SEMA4G: variants seen among roughly 807,000 people sequenced by gnomAD.
SEMA4G encodes the protein semaphorin-4G.
In SEMA4G, 59 loss-of-function variants were observed where a neutral mutation model predicts 81.2. That is an observed-to-expected ratio of 0.73 (90% CI 0.59 to 0.90). The LOEUF is 0.90. SEMA4G is among the 40% of genes least tolerant of loss of function. SEMA4G has a pLI of 0.00. For missense variants in SEMA4G, 952 were observed against 1,102.3 expected (o/e 0.86, Z 1.93); for synonymous variants, 404 against 433.9 (o/e 0.93, Z 0.86).
intron 3 of SEMA4G, among the ~76,000 whole-genome samples, chr10:100,976,270 C>T (rs1306544306): frequency 6.6e-6 from 1 of 152,060 alleles, no homozygotes; most frequent in Non-Finnish European, 1.5e-5. Context: ...GTGAGTGAGA[C>T]CAGAGGAATG....
chr10:100,973,938 G>T lies in SEMA4G; in HGVS notation c.336+329G>T, dbSNP rs149168966. Among the ~76,000 whole-genome samples the T allele has an allele frequency of 4.5e-4, 62 of 138,416 alleles. No homozygotes were observed. In the East Asian group the frequency reaches 0.011, roughly 25 times the overall value. 90.8% of individuals were successfully genotyped at this position (138,416 alleles called of 152,430 possible). A position where few individuals can be genotyped will look rare whatever the true frequency, so the allele number is the denominator to read the frequency against. ...GGACCACGGGCACATGCCACGCCCA[G>T]CTAAGTGTTTTATTTTTTGTAGAAA... is the stretch of plus-strand genomic sequence containing the variant. On this transcript the variant is annotated intron_variant, in intron 3 of 13. Coordinates refer to ENST00000370250, the Ensembl canonical transcript of SEMA4G. The surrounding 1 kb of genome is among the most constrained non-coding windows in gnomAD (Gnocchi z 5.5).
At chr10:100,972,982 C>T (rs150563616) in exon 1 of SEMA4G, 955 of 1,613,884 alleles carry the variant, frequency 5.9e-4, no homozygotes, top group Non-Finnish European at 7.7e-4. Flanking sequence ...ACCCTCACTG[C>T]GGAGACCGTC....
chr10:100,975,352 T>C (rs2133862759), intron 3 of SEMA4G, among the ~76,000 whole-genome samples: 1 of 152,354 alleles, frequency 6.6e-6, no homozygotes, highest in South Asian at 2.1e-4. Flanking sequence ...AGCAAGGCTT[T>C]ATAGAACAGT....
At chr10:100,972,199 C>T (rs1850654529), upstream of SEMA4G, among the ~76,000 whole-genome samples, 1 of 152,168 alleles carries the variant, frequency 6.6e-6, no homozygotes, top group African/African-American at 2.4e-5. Context: ...CGAGTTGCAT[C>T]TCATTGTTGG....
At chr10:100,976,032 G>A (rs1359663495) in intron 3 of SEMA4G, among the ~76,000 whole-genome samples, 3 of 152,180 alleles carry the variant, frequency 2.0e-5, no homozygotes, top group Admixed American at 6.5e-5. Context: ...GGAGGCTGGG[G>A]GCATCATTTG....
chr10:100,980,574 C>A lies in SEMA4G; in HGVS notation c.1352-4C>A. On this transcript the variant is annotated splice_region_variant and splice_polypyrimidine_tract_variant and intron_variant, in intron 10 of 13. Transcript: ENST00000370250. Reference sequence around the variant, plus strand: ...GGTCTAACTCTCTGCTCTTTCCATACCAGCTGATGGCTGGATCCACAAGGC... The same window carrying A: ...GGTCTAACTCTCTGCTCTTTCCATAACAGCTGATGGCTGGATCCACAAGGC... 6.2e-7 allele frequency: 1 copy of A among 1,612,326 alleles called. No individual in the cohort carries two copies. The highest frequency in any genetic ancestry group is 8.5e-7 in the Non-Finnish European group (1 of 1,178,376).
Position 100,973,950 on chromosome 10 carries a change from A to AT in SEMA4G, c.336+347dup, listed in dbSNP as rs35223759. Among the ~76,000 whole-genome samples the AT allele has an allele frequency of 0.34, 51,704 of 151,354 alleles. 10,450 individuals carry two copies. Among genetic ancestry groups the AT allele is most frequent in the Middle Eastern group, 0.54 (157 of 292 alleles). ...CATGCCACGCCCAGCTAAGTGTTTT[A>AT]TTTTTTGTAGAAACAGGGTCTTGCT... On this transcript the variant is annotated intron_variant, in intron 3 of 13. Transcript: ENST00000370250. This position sits in a 1 kb window ranked among gnomAD's most constrained non-coding sequence, Gnocchi z 5.5.
chr10:100,979,733 T>C, intron 8 of SEMA4G, 115 bp from the exon 10 acceptor site: 1 of 1,213,774 alleles, frequency 8.2e-7, no homozygotes. Flanking sequence ...GGAGAGGCCC[T>C]GTGGGACTAT....
intron 3 of SEMA4G, among the ~76,000 whole-genome samples, chr10:100,975,819 GA>G: frequency 6.6e-6 from 1 of 152,252 alleles, no homozygotes; most frequent in East Asian, 1.9e-4. Flanking sequence ...AGAATCTCTT[GA>G]ACCCGGGAGG....
rs562554205 is a variant in SEMA4G, at chr10:100,976,189, G to C, written c.337-1443G>C. ...AGGCAAGAGGAGGAATCATTAACGT[G>C]GCAAAGGAGTCAAGAGGCTGGCAGC... On this transcript the variant is annotated intron_variant, in intron 3 of 13. Coordinates refer to ENST00000370250, the Ensembl canonical transcript of SEMA4G. Among the ~76,000 whole-genome samples, 8 of 152,268 alleles carry C rather than the reference G, an allele frequency of 5.3e-5. No homozygotes were observed. The East Asian group carries it at 1.5e-3, about 29-fold the overall frequency.
Position 100,980,110 on chromosome 10 carries a change from C to T in SEMA4G, c.1129-12C>T, listed in dbSNP as rs1405002213. 3.1e-6 allele frequency: 5 copies of T among 1,613,792 alleles called. No homozygotes were observed. Among genetic ancestry groups the T allele is most frequent in the Non-Finnish European group, 4.2e-6 (5 of 1,179,774 alleles). On this transcript the variant is annotated splice_polypyrimidine_tract_variant and intron_variant, in intron 9 of 13. Coordinates refer to ENST00000370250, the Ensembl canonical transcript of SEMA4G. ...GAGTCCCGAGGTTCACCACCTTCGTCCCCCACGCCAGTGTATCACAGATTC... is the reference window on the plus strand; with the variant it reads ...GAGTCCCGAGGTTCACCACCTTCGTTCCCCACGCCAGTGTATCACAGATTC...
At chr10:100,969,706 T>A, upstream of SEMA4G, 1 of 375,136 alleles carries the variant, frequency 2.7e-6, no homozygotes. Flanking sequence ...GCCAGGCCTT[T>A]CTCACCACCA....
At chr10:100,983,565 C>G in exon 14 of SEMA4G, 1 of 1,613,754 alleles carries the variant, frequency 6.2e-7, no homozygotes, top group Non-Finnish European at 8.5e-7. Context: ...TCTCACAGTC[C>G]GGCCAGCCAC....
chr10:100,979,528 G>A (rs904483105), intron 8 of SEMA4G, among the ~76,000 whole-genome samples: 6 of 152,050 alleles, frequency 3.9e-5, no homozygotes, highest in Non-Finnish European at 8.8e-5. Flanking sequence ...GACTATAGGC[G>A]TGTGCCACCA....
At chr10:100,981,134 C>T (rs375707389) in intron 12 of SEMA4G, 34 bp from the exon 14 acceptor site, 11 of 1,610,222 alleles carry the variant, frequency 6.8e-6, no homozygotes, top group African/African-American at 1.3e-5. Context: ...AAACCCAGTT[C>T]CCCTTGTTCA....
rs764503702 is a variant in SEMA4G at position 100,980,270 on chromosome 10, G to A, written c.1277G>A (p.Arg426His). 1.3e-5 allele frequency: 21 copies of A among 1,614,220 alleles called. No homozygotes were observed. In the East Asian group the frequency reaches 2.7e-4, roughly 21 times the overall value. Residue 426 changes from arginine to histidine, a missense_variant, in exon 10 of 14, where the codon CGC becomes CAC. Physicochemically the swap from Arg to His is conservative, Grantham distance 29. Coordinates refer to ENST00000370250, the Ensembl canonical transcript of SEMA4G. The stretch of plus-strand genomic sequence containing the variant: ...CCCCTGCTGCTCAAGCGCAACATAC[G>A]CTACACACACCTTACAGGGACACCT...
chr10:100,976,117 C>T (rs1485717210), intron 3 of SEMA4G, among the ~76,000 whole-genome samples: 2 of 151,800 alleles, frequency 1.3e-5, no homozygotes, highest in Non-Finnish European at 2.9e-5. Context: ...GGTGAGGGAG[C>T]AGGAGGAGAC....
At chr10:100,978,684 TTC>T in intron 6 of SEMA4G, 44 bp downstream of exon 7, 2 of 1,587,340 alleles carry the variant, frequency 1.3e-6, no homozygotes, top group Non-Finnish European at 1.7e-6. Context: ...AGGGGACTAT[TTC>T]TTCATTTTTA....
At chr10:100,978,273 C>G (rs777728266) in intron 4 of SEMA4G, 22 bp from the exon 6 acceptor site, 2 of 1,588,194 alleles carry the variant, frequency 1.3e-6, no homozygotes, top group South Asian at 2.2e-5. Flanking sequence ...GAACCACTTA[C>G]TGCTGGTTCC....
Sources: allele counts gnomAD v4.1 joint callset (sites outside exome capture counted in the v4.1 genomes callset), GRCh38; gene constraint gnomAD v4.1.1; non-coding constraint Gnocchi (gnomAD v3.1); transcripts MANE v1.5; gene names NCBI Gene and HGNC (gene_info 2026-07-23, HGNC 2026-07-21).